CNTNAP2: variants seen among roughly 807,000 people sequenced by gnomAD.
CNTNAP2 encodes the protein contactin associated protein 2, also known as contactin-associated protein-like 2.
Under a neutral mutation model 155.2 loss-of-function variants are expected in CNTNAP2, and 98 were observed. That is an observed-to-expected ratio of 0.63 (90% CI 0.54 to 0.75). The LOEUF (loss-of-function observed/expected upper bound fraction) is 0.75, where lower values mean the gene tolerates loss of function less well. CNTNAP2 is among the 30% of genes least tolerant of loss of function. The pLI is 0.00. For synonymous variants in CNTNAP2, 651 were observed against 631.2 expected (o/e 1.03, Z -0.47); for missense variants, 1,727 against 1,688.1 (o/e 1.02, Z -0.40).
At chr7:146,554,827 T>C (rs369026788) in intron 1 of CNTNAP2, among the ~76,000 whole-genome samples, 1 of 152,356 alleles carries the variant, frequency 6.6e-6, no homozygotes. Flanking sequence ...GCAAGACCTT[T>C]TTAACAAAAT....
chr7:146,172,056 T>G (rs990610001), intron 1 of CNTNAP2, among the ~76,000 whole-genome samples: 2 of 95,280 alleles, frequency 2.1e-5, no homozygotes, highest in African/African-American at 3.7e-5. Flanking sequence ...TTTTTTTTTT[T>G]GCTTATGATT....
chr7:147,456,431 A>G (rs1397446184), intron 10 of CNTNAP2, among the ~76,000 whole-genome samples: 1 of 152,210 alleles, frequency 6.6e-6, no homozygotes, highest in African/African-American at 2.4e-5. Context: ...ACTAGCCTAC[A>G]TGTAATTACA....
chr7:147,736,989 A>G (rs979786707), intron 13 of CNTNAP2, among the ~76,000 whole-genome samples: 3 of 152,108 alleles, frequency 2.0e-5, no homozygotes, highest in South Asian at 2.1e-4. Flanking sequence ...AGCTCAGACA[A>G]GTTTGATCAT....
chr7:147,700,516 T>C (rs1324012443), intron 13 of CNTNAP2, among the ~76,000 whole-genome samples: 1 of 152,146 alleles, frequency 6.6e-6, no homozygotes, highest in East Asian at 1.9e-4. Context: ...CCACTTTTAT[T>C]CTCAGAAGGT....
chr7:148,194,132 G>T, intron 18 of CNTNAP2, among the ~76,000 whole-genome samples: 1 of 127,700 alleles, frequency 7.8e-6, no homozygotes. Context: ...CACCATGCCT[G>T]GCTAGTGTGT....
At chr7:146,950,384 T>G (rs999505757) in intron 3 of CNTNAP2, among the ~76,000 whole-genome samples, 3 of 152,086 alleles carry the variant, frequency 2.0e-5, no homozygotes, top group Non-Finnish European at 4.4e-5. Flanking sequence ...CCACAGTGGT[T>G]TGCTGCACCC....
chr7:147,486,049 C>T lies in CNTNAP2; in HGVS notation c.1777+8C>T, dbSNP rs1197479628. 1.9e-6 allele frequency: 3 copies of T among 1,606,246 alleles called. No homozygotes were observed. The highest frequency in any genetic ancestry group is 2.7e-5 in the African/African-American group (2 of 74,754). ...GGGCCACCTGCCACAACTGTGAGTG[C>T]CAATTTATCTCACTTTAATCTTGTA... On this transcript the variant is annotated splice_region_variant and intron_variant, in intron 11 of 23. Coordinates refer to ENST00000361727, the MANE Select transcript of CNTNAP2 (RefSeq NM_014141.6).
intron 1 of CNTNAP2, among the ~76,000 whole-genome samples, chr7:146,358,586 G>A (rs1363183338): frequency 6.6e-6 from 1 of 152,154 alleles, no homozygotes; most frequent in Non-Finnish European, 1.5e-5. Context: ...GATTATGAAG[G>A]TTGAGGAAAG....
chr7:146,781,588 C>G (rs1802491595), intron 2 of CNTNAP2, among the ~76,000 whole-genome samples: 3 of 152,122 alleles, frequency 2.0e-5, no homozygotes, highest in Non-Finnish European at 4.4e-5. Context: ...ATGTCCCCCT[C>G]CGGAAACGCG....
chr7:148,081,614 T>A (rs1020536285), intron 15 of CNTNAP2, among the ~76,000 whole-genome samples: 8 of 151,880 alleles, frequency 5.3e-5, no homozygotes, highest in African/African-American at 1.9e-4. Flanking sequence ...CCTATTGTAA[T>A]CATGTGAGTT....
intron 12 of CNTNAP2, among the ~76,000 whole-genome samples, chr7:147,601,083 G>A (rs569356955): frequency 5.4e-4 from 82 of 152,240 alleles, no homozygotes; most frequent in African/African-American, 1.6e-3. Flanking sequence ...TAAAAGTCCT[G>A]TGTCCCCGTT....
chr7:146,263,008 A>G (rs1187729916), intron 1 of CNTNAP2, among the ~76,000 whole-genome samples: 2 of 152,172 alleles, frequency 1.3e-5, no homozygotes, highest in African/African-American at 4.8e-5. Flanking sequence ...ACTTACCAAC[A>G]ACATTATAGT....
chr7:147,171,922 C>T (rs1007024228), intron 8 of CNTNAP2, among the ~76,000 whole-genome samples: 2 of 151,876 alleles, frequency 1.3e-5, no homozygotes, highest in African/African-American at 4.8e-5. Flanking sequence ...AGAATACCTG[C>T]AATTAAATAA....
intron 1 of CNTNAP2, among the ~76,000 whole-genome samples, chr7:146,411,410 C>G (rs905048310): frequency 6.6e-6 from 1 of 152,026 alleles, no homozygotes; most frequent in Non-Finnish European, 1.5e-5. Context: ...CCAGCCTCGG[C>G]CTCCCAAAGA....
intron 21 of CNTNAP2, among the ~76,000 whole-genome samples, chr7:148,371,945 A>C (rs946624283): frequency 1.5e-5 from 2 of 133,784 alleles, no homozygotes; most frequent in African/African-American, 5.3e-5. Flanking sequence ...TCATGCCTGT[A>C]ATCCCGGCAC....
intron 10 of CNTNAP2, among the ~76,000 whole-genome samples, chr7:147,462,716 G>C (rs568115426): frequency 5.3e-5 from 8 of 152,138 alleles, no homozygotes; most frequent in Non-Finnish European, 1.0e-4. Flanking sequence ...ATAAAGTCTT[G>C]CTTAGTTGAG....
chr7:146,927,598 C>G (rs1471039407), intron 3 of CNTNAP2, among the ~76,000 whole-genome samples: 1 of 147,284 alleles, frequency 6.8e-6, no homozygotes, highest in African/African-American at 2.7e-5. Flanking sequence ...AATATTACTC[C>G]TGGAATAATA....
chr7:146,640,989 C>A (rs1287264951), intron 1 of CNTNAP2, among the ~76,000 whole-genome samples: 1 of 152,086 alleles, frequency 6.6e-6, no homozygotes, highest in African/African-American at 2.4e-5. Context: ...AAAAGCCTAA[C>A]AAGAAATAAG....
intron 1 of CNTNAP2, among the ~76,000 whole-genome samples, chr7:146,227,708 A>G (rs1425726499): frequency 6.6e-6 from 1 of 152,158 alleles, no homozygotes; most frequent in African/African-American, 2.4e-5. Context: ...CAAGCTGACA[A>G]AAGTTTTGAT....
Sources: allele counts gnomAD v4.1 joint callset (sites outside exome capture counted in the v4.1 genomes callset), GRCh38; gene constraint gnomAD v4.1.1; transcripts MANE v1.5; gene names NCBI Gene and HGNC (gene_info 2026-07-23, HGNC 2026-07-21).